The following RSPH10B variants were observed in gnomAD, a reference collection of about 807,000 sequenced individuals.
RSPH10B encodes radial spoke head 10 homolog B (Chlamydomonas).
Under a neutral mutation model 52.5 loss-of-function variants are expected in RSPH10B, and 7 were observed. That is an observed-to-expected ratio of 0.13 (90% CI 0.08 to 0.25). The LOEUF (loss-of-function observed/expected upper bound fraction) is 0.25. Among genes scored for constraint, RSPH10B ranks in the 10% least tolerant of loss-of-function variants. The probability of loss-of-function intolerance (pLI) is 1.00; values close to 1 mark genes in which losing one functional copy is unlikely to be tolerated. For synonymous variants in RSPH10B, 28 were observed against 193.2 expected, an observed-to-expected ratio of 0.14 and a Z score of 7.09; for missense variants, 89 against 542.5, an observed-to-expected ratio of 0.16 and a Z score of 8.30.
chr7:5,944,540 T>C (rs1312728700), intron 11 of RSPH10B, among the ~76,000 whole-genome samples: 1 of 149,200 alleles, frequency 6.7e-6, no homozygotes, highest in East Asian at 1.9e-4. Context: ...CGAGAGATAT[T>C]TGCAGTATTG....
intron 13 of RSPH10B, among the ~76,000 whole-genome samples, chr7:5,942,686 C>T (rs1256058452): frequency 1.3e-5 from 2 of 149,866 alleles, no homozygotes; most frequent in East Asian, 3.9e-4. Flanking sequence ...ACATGGTGAA[C>T]ACCCGTCTCT....
At chr7:5,941,741 TAA>T (rs777356713) in intron 13 of RSPH10B, among the ~76,000 whole-genome samples, 2 of 128,254 alleles carry the variant, frequency 1.6e-5, no homozygotes, top group Non-Finnish European at 1.7e-5. Flanking sequence ...AGACTTTGTC[TAA>T]AAAAAAAAAA....
intron 16 of RSPH10B, among the ~76,000 whole-genome samples, chr7:5,933,457 T>C: frequency 7.8e-6 from 1 of 128,808 alleles, no homozygotes; most frequent in Non-Finnish European, 1.8e-5. Flanking sequence ...ACAGTATTTA[T>C]TGTATAAAAT....
At chr7:5,926,768 GAGAC>G (rs769984257) in intron 18 of RSPH10B, among the ~76,000 whole-genome samples, 3,044 of 131,682 alleles carry the variant, frequency 0.023, 18 homozygotes, top group African/African-American at 0.041. Flanking sequence ...ATTTTTTCTC[GAGAC>G]AGACAGAGTT....
chr7:5,956,720 A>G (rs56064159), intron 6 of RSPH10B, among the ~76,000 whole-genome samples: 117,453 of 145,340 alleles, frequency 0.81, 45,738 homozygotes, highest in East Asian at 0.93. Flanking sequence ...AGGCACCAGC[A>G]ACCACTCCCG....
At chr7:5,929,053 G>A (rs565458970) in intron 17 of RSPH10B, among the ~76,000 whole-genome samples, 1 of 146,590 alleles carries the variant, frequency 6.8e-6, no homozygotes, top group Admixed American at 6.8e-5. Context: ...CTATGGCCCA[G>A]GCTGGAGTGC....
intron 18 of RSPH10B, among the ~76,000 whole-genome samples, chr7:5,927,082 G>A (rs1313314744): frequency 8.4e-4 from 104 of 123,464 alleles, no homozygotes; most frequent in South Asian, 5.4e-3. Context: ...GTGTGTGTGT[G>A]TGTGTGTGTG....
chr7:5,965,832 T>C, intron 1 of RSPH10B, 120 bp from the exon 4 acceptor site: 1 of 269,852 alleles, frequency 3.7e-6, no homozygotes. Context: ...AAAATATATA[T>C]ATATATATAT....
exon 19 of RSPH10B, chr7:5,926,290 C>G: frequency 1.3e-6 from 1 of 778,790 alleles, no homozygotes; most frequent in South Asian, 1.6e-5. Context: ...GTGACGAGTT[C>G]AGTGCTAAGA....
chr7:5,944,612 A>G (rs1449987783), intron 11 of RSPH10B, among the ~76,000 whole-genome samples: 1 of 146,190 alleles, frequency 6.8e-6, no homozygotes, highest in African/African-American at 2.6e-5. Flanking sequence ...TTTGTGGTTA[A>G]TATTTGTGGA....
intron 14 of RSPH10B, among the ~76,000 whole-genome samples, chr7:5,938,346 T>A (rs1780031500): frequency 8.6e-6 from 1 of 116,094 alleles, no homozygotes. Flanking sequence ...GGCAGGTGGA[T>A]CACGAGGTCA....
At chr7:5,943,072 T>C (rs1436598270) in intron 13 of RSPH10B, among the ~76,000 whole-genome samples, 4 of 150,594 alleles carry the variant, frequency 2.7e-5, no homozygotes, top group African/African-American at 9.8e-5. Flanking sequence ...CCATGGGCCA[T>C]TGTTATAGGC....
At chr7:5,927,037 GTGTGTGTGTATTA>G (rs1317086975) in intron 18 of RSPH10B, among the ~76,000 whole-genome samples, 19 of 46,878 alleles carry the variant, frequency 4.1e-4, no homozygotes, top group East Asian at 3.0e-3. Context: ...GTGTGTGTGT[GTGTGTGTGTATTA>G]TGTGTGTGTG....
chr7:5,927,090 G>GTC (rs1460769820), intron 18 of RSPH10B, among the ~76,000 whole-genome samples: 3 of 74,432 alleles, frequency 4.0e-5, no homozygotes, highest in African/African-American at 1.6e-4. Context: ...GTGTGTGTGT[G>GTC]TGTGTGTATT....
intron 18 of RSPH10B, among the ~76,000 whole-genome samples, chr7:5,927,029 G>GTGTGTATTATA (rs1779473530): frequency 3.0e-5 from 1 of 32,868 alleles, no homozygotes; most frequent in African/African-American, 1.3e-4. Flanking sequence ...TTACGTGTGT[G>GTGTGTATTATA]TGTGTGTGTG....
At chr7:5,956,617 G>A (rs1398977879) in intron 6 of RSPH10B, among the ~76,000 whole-genome samples, 2 of 149,292 alleles carry the variant, frequency 1.3e-5, no homozygotes, top group East Asian at 3.9e-4. Context: ...TGTTACCCAG[G>A]CTAGAGTATG....
intron 15 of RSPH10B, among the ~76,000 whole-genome samples, chr7:5,937,527 TC>T (rs1397999140): frequency 8.4e-6 from 1 of 118,570 alleles, no homozygotes; most frequent in Non-Finnish European, 2.0e-5. Flanking sequence ...TGCCTCAGCC[TC>T]CCCGGTAGCT....
intron 15 of RSPH10B, among the ~76,000 whole-genome samples, chr7:5,937,409 G>GTT (rs1478440073): frequency 4.0e-5 from 5 of 123,890 alleles, no homozygotes; most frequent in Non-Finnish European, 9.5e-5. Flanking sequence ...TGTTTGTTTG[G>GTT]TTTTTTTGTT....
chr7:5,939,735 G>A (rs1780090349), intron 13 of RSPH10B, among the ~76,000 whole-genome samples: 1 of 30,876 alleles, frequency 3.2e-5, no homozygotes, highest in Non-Finnish European at 6.8e-5. Context: ...ACCAGAACAC[G>A]GTCCAGGTGT....
Sources: gnomAD v4.1 joint callset for allele counts (sites outside exome capture counted in the v4.1 genomes callset) on GRCh38, gnomAD v4.1.1 for gene constraint, MANE v1.5 for transcripts, NCBI Gene and HGNC (gene_info 2026-07-23, HGNC 2026-07-21) for gene names.